Variants in RFC5 observed in about 807,000 individuals in gnomAD.
The protein encoded by RFC5 is replication factor C subunit 5.
A neutral mutation model predicts 44.3 loss-of-function variants in RFC5; 26 were observed. The ratio of observed to expected loss-of-function variants is 0.59; its 90% CI spans 0.43 to 0.81. The LOEUF (loss-of-function observed/expected upper bound fraction) is 0.81. RFC5 is among the 40% of genes least tolerant of loss of function. RFC5 has a pLI of 0.00. For synonymous variants in RFC5, 155 were observed against 155.2 expected, an observed-to-expected ratio of 1.00 and a Z score of 0.01; for missense variants, 328 against 418.6, an observed-to-expected ratio of 0.78 and a Z score of 1.89.
chr12:118,025,146 G>C, intron 6 of RFC5, 136 bp downstream of exon 6: 1 of 656,100 alleles, frequency 1.5e-6, no homozygotes, highest in Non-Finnish European at 2.5e-6. Context: ...AGGCACTGGG[G>C]ACCGTCCACT....
intron 8 of RFC5, 89 bp downstream of exon 8, chr12:118,027,107 A>C: frequency 7.4e-7 from 1 of 1,355,964 alleles, no homozygotes; most frequent in Non-Finnish European, 1.0e-6. Flanking sequence ...CTTGCTGGCA[A>C]AGGATGACTG....
chr12:118,032,784 C>T (rs2031392050), downstream of RFC5: 1 of 152,114 alleles, frequency 6.6e-6, no homozygotes, highest in Non-Finnish European at 1.5e-5. Context: ...CTCAAGCAGT[C>T]CTCCCACCTC....
At chr12:118,017,842 C>T (rs750807243) in intron 1 of RFC5, 1 of 672,166 alleles carries the variant, frequency 1.5e-6, no homozygotes, top group South Asian at 1.6e-5. Context: ...ATCCTGTAAC[C>T]ATTTTAAAAT....
intron 9 of RFC5, among the ~76,000 whole-genome samples, chr12:118,028,339 G>A (rs5745874): frequency 0.097 from 14,682 of 152,052 alleles, 1,146 homozygotes; most frequent in East Asian, 0.4. Context: ...CAAAAAATTA[G>A]CCTGGCATGG....
intron 7 of RFC5, among the ~76,000 whole-genome samples, chr12:118,026,296 T>C (rs1274134852): frequency 6.6e-6 from 1 of 152,178 alleles, no homozygotes. Context: ...TGTATTTTGA[T>C]TAATTGAAAA....
intron 4 of RFC5, among the ~76,000 whole-genome samples, chr12:118,021,900 C>G (rs1328661968): frequency 1.3e-5 from 2 of 151,792 alleles, no homozygotes; most frequent in Non-Finnish European, 2.9e-5. Context: ...GAGGTTGCAG[C>G]GAGCCAAGAT....
downstream of RFC5, chr12:118,034,427 C>G: frequency 6.4e-7 from 1 of 1,569,004 alleles, no homozygotes; most frequent in Non-Finnish European, 8.7e-7. Flanking sequence ...GATGAATACT[C>G]ATGTTTCTGT....
At chr12:118,034,535 T>A (rs752372017), downstream of RFC5, 142 of 705,420 alleles carry the variant, frequency 2.0e-4, no homozygotes, top group Non-Finnish European at 2.8e-4. Context: ...AAGCTGCTGA[T>A]AGGATTAGAA....
At chr12:118,036,421 G>A, downstream of RFC5, 1 of 1,614,246 alleles carries the variant, frequency 6.2e-7, no homozygotes, top group East Asian at 2.2e-5. Context: ...GCAGGGCAGA[G>A]TCGGGGGAGA....
chr12:118,019,148 T>C lies in RFC5; in HGVS notation c.130+12T>C, dbSNP rs746497625. The C allele has an allele frequency of 1.0e-5, 16 of 1,598,870 alleles. No homozygotes were observed. The highest frequency in any genetic ancestry group is 1.7e-4 in the Middle Eastern group (1 of 6,044). On this transcript the variant is annotated intron_variant, in intron 2 of 10. Transcript: ENST00000454402. The surrounding 1 kb of genome is among the most constrained non-coding windows in gnomAD (Gnocchi z 4.2). ...CATTCTGAGTACCAGTAAGTATTCA[T>C]GTGTCAGTTGCTCTTGTCCTGCTTG...
At chr12:118,026,801 G>C (rs5745869) in intron 7 of RFC5, 88 bp from the exon 8 acceptor site, 117,624 of 1,475,012 alleles carry the variant, frequency 0.08, 9,340 homozygotes, top group East Asian at 0.39. Context: ...CTGCATTGCT[G>C]CCTTGGCAAT....
chr12:118,040,740 G>C, the RFC5 span, among the ~76,000 whole-genome samples: 3 of 151,842 alleles, frequency 2.0e-5, no homozygotes, highest in Non-Finnish European at 4.4e-5. Context: ...AGGTTCCACA[G>C]TACTGGGCAG....
rs1275902477 is a variant in RFC5 at position 118,025,083 on chromosome 12, T to G, written c.581+73T>G. 9 of 1,462,504 alleles carry G rather than the reference T, an allele frequency of 6.2e-6. No individual in the cohort carries two copies. The East Asian group carries it at 1.8e-4, about 30-fold the overall frequency. 90.6% of individuals were successfully genotyped at this position (1,462,504 alleles called of 1,614,324 possible). On this transcript the variant is annotated intron_variant, in intron 6 of 10. Coordinates refer to ENST00000454402, the MANE Select transcript of RFC5 (RefSeq NM_007370.7). ...TTGTGGGATCACTGGCTGGTTCGTATGTAGAGGAGAGGAATGTTGGAAAAC... is the reference window on the plus strand; with the variant it reads ...TTGTGGGATCACTGGCTGGTTCGTAGGTAGAGGAGAGGAATGTTGGAAAAC...
chr12:118,034,895 A>C, downstream of RFC5: 1 of 1,289,682 alleles, frequency 7.8e-7, no homozygotes, highest in Non-Finnish European at 1.1e-6. Context: ...CCTCATAGGC[A>C]AGAAAATTCT....
At chr12:118,035,051 T>C, downstream of RFC5, 1 of 1,614,078 alleles carries the variant, frequency 6.2e-7, no homozygotes, top group Non-Finnish European at 8.5e-7. Context: ...TAGGAGCAAA[T>C]GCAATGGGAG....
chr12:118,032,251 T>TAA (rs1182704176), downstream of RFC5: 2 of 152,316 alleles, frequency 1.3e-5, no homozygotes, highest in East Asian at 3.9e-4. Flanking sequence ...GTCAAATTCT[T>TAA]AAACTGTCAA....
At chr12:118,035,346 T>C (rs374731610), downstream of RFC5, 17 of 1,608,118 alleles carry the variant, frequency 1.1e-5, 1 homozygote, top group South Asian at 1.5e-4. Context: ...AGAAACAGGA[T>C]GGCAGGCCTG....
the RFC5 span, among the ~76,000 whole-genome samples, chr12:118,041,122 G>A: frequency 6.6e-6 from 1 of 152,188 alleles, no homozygotes; most frequent in East Asian, 1.9e-4. Context: ...GAGGATGCAT[G>A]TGCACTGCCT....
intron 3 of RFC5, among the ~76,000 whole-genome samples, chr12:118,020,052 A>G (rs760729519): frequency 6.6e-6 from 1 of 152,154 alleles, no homozygotes; most frequent in Non-Finnish European, 1.5e-5. Context: ...CCTGTCTGCC[A>G]TGGCCCCTCT....
Sources: gnomAD v4.1 joint callset for allele counts (sites outside exome capture counted in the v4.1 genomes callset) on GRCh38, gnomAD v4.1.1 for gene constraint, Gnocchi (gnomAD v3.1) non-coding constraint, MANE v1.5 for transcripts, NCBI Gene and HGNC (gene_info 2026-07-23, HGNC 2026-07-21) for gene names.